Variants in PKNOX2 observed in about 807,000 individuals in gnomAD.
PKNOX2 encodes the protein PBX/knotted 1 homeobox 2.
A neutral mutation model predicts 53.1 loss-of-function variants in PKNOX2; 14 were observed. That is an observed-to-expected ratio of 0.26 (90% CI 0.17 to 0.41). PKNOX2 has a LOEUF of 0.41. PKNOX2 is among the 10% of genes least tolerant of loss of function. The pLI, the probability that PKNOX2 is intolerant of heterozygous loss-of-function variation, is 1.00. For synonymous variants in PKNOX2, 257 were observed against 242.8 expected (o/e 1.06, Z -0.54); for missense variants, 496 against 602.8 (o/e 0.82, Z 1.85).
chr11:125,219,213 C>T (rs1254312503), intron 1 of PKNOX2, among the ~76,000 whole-genome samples: 1 of 152,048 alleles, frequency 6.6e-6, no homozygotes, highest in Non-Finnish European at 1.5e-5. Context: ...GCAAGCAGAT[C>T]ATCTGAGGTT....
intron 2 of PKNOX2, among the ~76,000 whole-genome samples, chr11:125,317,673 T>C (rs1490421053): frequency 1.3e-5 from 2 of 152,222 alleles, no homozygotes; most frequent in African/African-American, 2.4e-5. Flanking sequence ...GGTAAACAGA[T>C]GAGCTGTCAC....
chr11:125,245,458 G>A (rs558573211), intron 2 of PKNOX2, among the ~76,000 whole-genome samples: 21 of 152,318 alleles, frequency 1.4e-4, no homozygotes, highest in Middle Eastern at 3.4e-3. Context: ...TCTGCATGAC[G>A]CCAAAGACTA....
intron 1 of PKNOX2, among the ~76,000 whole-genome samples, chr11:125,222,403 A>G (rs951051167): frequency 6.6e-6 from 1 of 151,722 alleles, no homozygotes; most frequent in Non-Finnish European, 1.5e-5. Context: ...GATGTTTTTC[A>G]TGTGATATTT....
chr11:125,169,816 A>G (rs1955148453), intron 1 of PKNOX2, among the ~76,000 whole-genome samples: 1 of 152,178 alleles, frequency 6.6e-6, no homozygotes, highest in Admixed American at 6.5e-5. Flanking sequence ...GGCTATAGTA[A>G]AGGGGCTGAA....
At chr11:125,244,517 G>T (rs2135626397) in intron 2 of PKNOX2, among the ~76,000 whole-genome samples, 1 of 152,340 alleles carries the variant, frequency 6.6e-6, no homozygotes, top group African/African-American at 2.4e-5. Context: ...CTGAGTTGGA[G>T]GCATCTTGTG....
At chr11:125,389,519 A>G (rs1047876657) in intron 6 of PKNOX2, among the ~76,000 whole-genome samples, 4 of 151,062 alleles carry the variant, frequency 2.6e-5, no homozygotes, top group Non-Finnish European at 5.9e-5. Flanking sequence ...TTCATCCTTC[A>G]CTCCCTCCAC....
rs145789431 is a variant in PKNOX2, at chr11:125,392,297, C to T, written c.400-5577C>T. On this transcript the variant is annotated intron_variant, in intron 6 of 12. Transcript: ENST00000298282. ...CAGAGAAATCATGGAATTTGCCCAACGGCACCCAATTAACAGAGAGCGGGC... is the reference window on the plus strand; with the variant it reads ...CAGAGAAATCATGGAATTTGCCCAATGGCACCCAATTAACAGAGAGCGGGC... Among the ~76,000 whole-genome samples the T allele has an allele frequency of 5.2e-3, 789 of 152,338 alleles. 3 individuals carry two copies. The highest frequency in any genetic ancestry group is 8.6e-3 in the Non-Finnish European group (586 of 68,028).
intron 7 of PKNOX2, among the ~76,000 whole-genome samples, chr11:125,401,766 AGTGTGT>A (rs370503272): frequency 2.7e-5 from 4 of 149,304 alleles, no homozygotes; most frequent in East Asian, 2.0e-4. Flanking sequence ...GGAGCTTGTG[AGTGTGT>A]GTGTGTGTGT....
chr11:125,398,954 G>C (rs751425550), intron 7 of PKNOX2, among the ~76,000 whole-genome samples: 2 of 152,210 alleles, frequency 1.3e-5, no homozygotes, highest in Non-Finnish European at 2.9e-5. Flanking sequence ...GCCGAGAGGT[G>C]CTGGAAGTAG....
intron 2 of PKNOX2, among the ~76,000 whole-genome samples, chr11:125,237,987 C>T (rs1022831323): frequency 6.6e-6 from 1 of 152,210 alleles, no homozygotes; most frequent in African/African-American, 2.4e-5. Flanking sequence ...GGCAGCCCTT[C>T]CTCCCTGACC....
At chr11:125,169,101 T>G (rs1292683282) in intron 1 of PKNOX2, among the ~76,000 whole-genome samples, 2 of 152,158 alleles carry the variant, frequency 1.3e-5, no homozygotes, top group Non-Finnish European at 2.9e-5. Flanking sequence ...TATAAACGTG[T>G]GATGCAATTG....
At chr11:125,279,897 C>T (rs1020480164) in intron 2 of PKNOX2, among the ~76,000 whole-genome samples, 2 of 152,186 alleles carry the variant, frequency 1.3e-5, no homozygotes, top group African/African-American at 4.8e-5. Context: ...GCCATAGCAA[C>T]AGCCTCTTCT....
At chr11:125,274,445 C>G (rs765577505) in intron 2 of PKNOX2, among the ~76,000 whole-genome samples, 7 of 152,210 alleles carry the variant, frequency 4.6e-5, no homozygotes, top group Admixed American at 2.0e-4. Flanking sequence ...CGGTGCCAGC[C>G]CCTGTGCAGA....
chr11:125,393,004 T>TAAAAA (rs576280119), intron 6 of PKNOX2, among the ~76,000 whole-genome samples: 72 of 145,464 alleles, frequency 4.9e-4, no homozygotes, highest in African/African-American at 1.6e-3. Context: ...TAAAAATACA[T>TAAAAA]AAAAAAAAAA....
chr11:125,379,332 G>T (rs2135328954), intron 5 of PKNOX2, among the ~76,000 whole-genome samples: 1 of 152,148 alleles, frequency 6.6e-6, no homozygotes, highest in Admixed American at 6.5e-5. Context: ...AAAGCGCTGG[G>T]GATTACAGGC....
chr11:125,296,026 C>T (rs889324143), intron 2 of PKNOX2, among the ~76,000 whole-genome samples: 1 of 152,254 alleles, frequency 6.6e-6, no homozygotes, highest in Non-Finnish European at 1.5e-5. Context: ...TGACTCCTCT[C>T]TTTCTCTCAC....
intron 1 of PKNOX2, among the ~76,000 whole-genome samples, chr11:125,183,309 C>T (rs1198648150): frequency 6.8e-5 from 5 of 73,166 alleles, no homozygotes; most frequent in Admixed American, 2.4e-4. Flanking sequence ...CTCCGCTTCC[C>T]GGGTTCACGC....
chr11:125,344,309 G>A (rs945322204), intron 3 of PKNOX2, among the ~76,000 whole-genome samples: 1 of 152,240 alleles, frequency 6.6e-6, no homozygotes, highest in African/African-American at 2.4e-5. Flanking sequence ...GACGGGAGAG[G>A]AGGTTTAGGC....
At chr11:125,245,649 A>C (rs1943504077) in intron 2 of PKNOX2, among the ~76,000 whole-genome samples, 1 of 152,196 alleles carries the variant, frequency 6.6e-6, no homozygotes, top group African/African-American at 2.4e-5. Flanking sequence ...CTGGGGACCT[A>C]TGATGGGTAA....
Sources: gnomAD v4.1 joint callset for allele counts (sites outside exome capture counted in the v4.1 genomes callset) on GRCh38, gnomAD v4.1.1 for gene constraint, MANE v1.5 for transcripts, NCBI Gene and HGNC (gene_info 2026-07-23, HGNC 2026-07-21) for gene names.